Variants in LPP observed in about 807,000 individuals in gnomAD.
LPP encodes the protein LIM domain containing preferred translocation partner in lipoma.
A neutral mutation model predicts 60.4 loss-of-function variants in LPP; 38 were observed. That is an observed-to-expected ratio of 0.63 (90% CI 0.49 to 0.83). The LOEUF is 0.83. LPP is among the 40% of genes least tolerant of loss of function. The pLI, the probability that LPP is intolerant of heterozygous loss-of-function variation, is 0.00. For missense variants in LPP, 902 were observed against 783.6 expected (o/e 1.15, Z -1.80); for synonymous variants, 328 against 290.8 (o/e 1.13, Z -1.30).
chr3:188,851,899 A>G (rs1419402172), intron 9 of LPP, among the ~76,000 whole-genome samples: 1 of 152,212 alleles, frequency 6.6e-6, no homozygotes, highest in African/African-American at 2.4e-5. Context: ...GTGGTGGCTC[A>G]TGCCTTTAAT....
chr3:188,525,709 A>G (rs1433552144), intron 6 of LPP, among the ~76,000 whole-genome samples: 1 of 152,188 alleles, frequency 6.6e-6, no homozygotes, highest in Non-Finnish European at 1.5e-5. Flanking sequence ...ACATTGATGA[A>G]TGAGACCACT....
chr3:188,613,276 A>ATATCTG lies in LPP; in HGVS notation c.1113+3437_1113+3438insGTATCT, dbSNP rs1553944196. On this transcript the variant is annotated intron_variant, in intron 7 of 11. Coordinates refer to ENST00000617246, the MANE Select transcript of LPP (RefSeq NM_001375462.1). ...TATATCTATACCTATATCTATATCTATATCTATATCTATATCTATATCTAT... is the reference window on the plus strand; with the variant it reads ...TATATCTATACCTATATCTATATCTATATCTGTATCTATATCTATATCTATATCTAT... Among the ~76,000 whole-genome samples, 9 of 139,542 alleles carry ATATCTG rather than the reference A, an allele frequency of 6.4e-5. No homozygotes were observed. The East Asian group carries it at 1.0e-3, about 15-fold the overall frequency. 91.5% of individuals were successfully genotyped at this position (139,542 alleles called of 152,430 possible). A position where few individuals can be genotyped will look rare whatever the true frequency, so the allele number is the denominator to read the frequency against.
chr3:188,348,647 A>C (rs1272747837), intron 3 of LPP, among the ~76,000 whole-genome samples: 1 of 152,228 alleles, frequency 6.6e-6, no homozygotes, highest in African/African-American at 2.4e-5. Context: ...GACCGGAAGC[A>C]TCAGCATTAC....
intron 6 of LPP, among the ~76,000 whole-genome samples, chr3:188,590,273 T>A (rs1227681661): frequency 2.6e-5 from 4 of 152,180 alleles, no homozygotes; most frequent in Non-Finnish European, 5.9e-5. Flanking sequence ...CTTTCATTTT[T>A]AAAAAAGATG....
At chr3:188,227,604 G>A (rs919641029) in intron 2 of LPP, among the ~76,000 whole-genome samples, 3 of 152,076 alleles carry the variant, frequency 2.0e-5, no homozygotes, top group African/African-American at 7.2e-5. Flanking sequence ...AAACTGGCAA[G>A]TGCAGAGGTC....
intron 2 of LPP, among the ~76,000 whole-genome samples, chr3:188,319,712 C>G (rs1012770864): frequency 1.3e-5 from 2 of 152,238 alleles, no homozygotes; most frequent in African/African-American, 2.4e-5. Flanking sequence ...CTTCACCCAG[C>G]TTTCCCTGAT....
chr3:188,534,792 GA>G (rs1194409937), intron 6 of LPP, among the ~76,000 whole-genome samples: 1 of 152,180 alleles, frequency 6.6e-6, no homozygotes, highest in Non-Finnish European at 1.5e-5. Flanking sequence ...TCTCTAGACA[GA>G]AGGTTGGAGG....
intron 8 of LPP, among the ~76,000 whole-genome samples, chr3:188,719,260 C>T (rs555386938): frequency 1.8e-4 from 27 of 152,290 alleles, no homozygotes; most frequent in Admixed American, 1.2e-3. Context: ...CAATTTTCTT[C>T]TGTTCTAATC....
Position 188,874,510 on chromosome 3 carries a change from A to G in LPP, c.*31A>G, listed in dbSNP as rs192901877. Reference sequence around the variant, plus strand: ...GTCACCTGTTCAGCCGGCACTGAGAAGAACGAACACAAGAAAAAGATAAGA... The same window carrying G: ...GTCACCTGTTCAGCCGGCACTGAGAGGAACGAACACAAGAAAAAGATAAGA... On this transcript the variant is annotated 3_prime_UTR_variant, in exon 12 of 12. Transcript: ENST00000617246. 4.9e-4 allele frequency: 783 copies of G among 1,605,648 alleles called. 1 individual carries two copies. The African/African-American group carries it at 9.6e-3, about 20-fold the overall frequency.
At chr3:188,497,322 G>C (rs1291369799) in intron 5 of LPP, among the ~76,000 whole-genome samples, 1 of 152,112 alleles carries the variant, frequency 6.6e-6, no homozygotes, top group Non-Finnish European at 1.5e-5. Flanking sequence ...AATTCCACAT[G>C]TCCTGCCTTC....
chr3:188,872,889 T>C, intron 11 of LPP, 126 bp downstream of exon 11: 1 of 1,272,768 alleles, frequency 7.9e-7, no homozygotes, highest in South Asian at 1.5e-5. Context: ...TCATAGGACT[T>C]GGGTTTTAGA....
intron 4 of LPP, among the ~76,000 whole-genome samples, chr3:188,420,139 A>G (rs1209427501): frequency 2.6e-5 from 4 of 152,214 alleles, no homozygotes; most frequent in African/African-American, 7.2e-5. Context: ...GCTCATGCTG[A>G]CCATTTAAAA....
intron 7 of LPP, among the ~76,000 whole-genome samples, chr3:188,677,631 A>C (rs1341278285): frequency 6.6e-6 from 1 of 152,098 alleles, no homozygotes; most frequent in African/African-American, 2.4e-5. Flanking sequence ...GGGAAATGGG[A>C]GAGGGGGAGG....
intron 1 of LPP, among the ~76,000 whole-genome samples, chr3:188,203,216 C>T (rs188409490): frequency 0.066 from 8,419 of 126,734 alleles, 344 homozygotes; most frequent in Non-Finnish European, 0.09. Context: ...AATTATAATA[C>T]AGCATATTGT....
At chr3:188,698,953 G>A (rs1262240186) in intron 7 of LPP, among the ~76,000 whole-genome samples, 1 of 152,226 alleles carries the variant, frequency 6.6e-6, no homozygotes, top group Non-Finnish European at 1.5e-5. Context: ...AGATGGAAAA[G>A]TGGAGAGTTA....
intron 5 of LPP, among the ~76,000 whole-genome samples, chr3:188,500,808 C>T (rs1811604240): frequency 6.6e-6 from 1 of 152,032 alleles, no homozygotes; most frequent in East Asian, 1.9e-4. Flanking sequence ...TCCCTGTCAT[C>T]TGGGTTATCG....
At chr3:188,821,470 A>G (rs1424835858) in intron 9 of LPP, among the ~76,000 whole-genome samples, 1 of 151,742 alleles carries the variant, frequency 6.6e-6, no homozygotes, top group African/African-American at 2.4e-5. Context: ...ACACATTTCC[A>G]AAAGGATAAA....
At chr3:188,787,819 C>A (rs144218918) in intron 9 of LPP, among the ~76,000 whole-genome samples, 1 of 152,088 alleles carries the variant, frequency 6.6e-6, no homozygotes. Flanking sequence ...CATCTGCTTC[C>A]GTGAGTACAA....
At chr3:188,868,227 A>C (rs1300179949) in intron 10 of LPP, among the ~76,000 whole-genome samples, 1 of 152,212 alleles carries the variant, frequency 6.6e-6, no homozygotes, top group Non-Finnish European at 1.5e-5. Context: ...AAAGACTGAT[A>C]CTTATAATCG....
Sources: allele counts gnomAD v4.1 joint callset (sites outside exome capture counted in the v4.1 genomes callset), GRCh38; gene constraint gnomAD v4.1.1; transcripts MANE v1.5; gene names NCBI Gene and HGNC (gene_info 2026-07-23, HGNC 2026-07-21).